C10orf90: variants seen among roughly 807,000 people sequenced by gnomAD.
The protein encoded by C10orf90 is chromosome 10 open reading frame 90.
Under a neutral mutation model 62.5 loss-of-function variants are expected in C10orf90, and 56 were observed. The observed-to-expected ratio is 0.90, with a 90% CI of 0.72 to 1.12. C10orf90 has a LOEUF of 1.12. Among genes scored for constraint, C10orf90 ranks in the 50% most tolerant of loss-of-function variants. C10orf90 has a pLI of 0.00. For synonymous variants in C10orf90, 386 were observed against 340.4 expected (o/e 1.13, Z -1.47); for missense variants, 970 against 880.4 (o/e 1.10, Z -1.29).
intron 2 of C10orf90, among the ~76,000 whole-genome samples, chr10:126,635,409 A>T (rs1226512923): frequency 1.3e-5 from 2 of 152,134 alleles, no homozygotes; most frequent in Non-Finnish European, 2.9e-5. Flanking sequence ...AAGAGCCCAA[A>T]ATATCAGCTG....
At chr10:126,565,821 C>T (rs116817697) in intron 2 of C10orf90, among the ~76,000 whole-genome samples, 1,681 of 152,258 alleles carry the variant, frequency 0.011, 29 homozygotes, top group African/African-American at 0.014. Context: ...ATCCTCCACC[C>T]GCTGTTTTGA....
intron 2 of C10orf90, among the ~76,000 whole-genome samples, chr10:126,526,491 G>C (rs531931641): frequency 6.6e-5 from 10 of 152,174 alleles, no homozygotes; most frequent in African/African-American, 2.2e-4. Context: ...TGATCCGCCC[G>C]CCTCGGCCTC....
chr10:126,485,662 C>T (rs61863936), intron 4 of C10orf90, among the ~76,000 whole-genome samples: 28,956 of 151,748 alleles, frequency 0.19, 3,378 homozygotes, highest in South Asian at 0.45. Flanking sequence ...TGGAAATGGC[C>T]GGGCGTGGTG....
chr10:126,655,385 A>G (rs540981567), intron 1 of C10orf90, among the ~76,000 whole-genome samples: 2 of 152,328 alleles, frequency 1.3e-5, no homozygotes, highest in African/African-American at 4.8e-5. Flanking sequence ...ATAATAATGA[A>G]AAAGTTTGAA....
chr10:126,459,231 A>G lies in C10orf90; in HGVS notation c.2011-14T>C, dbSNP rs373528846. ...TTCCAGTGCTTCCTATGCAAAGCAA[A>G]GAAAATACGTCATTTTTAAGAGCAG... On this transcript the variant is annotated splice_polypyrimidine_tract_variant and intron_variant, in intron 6 of 9. Transcript: ENST00000488181. 8.7e-6 allele frequency: 14 copies of G among 1,612,914 alleles called. No individual in the cohort carries two copies. In the African/African-American group the frequency reaches 1.6e-4, roughly 18 times the overall value.
intron 3 of C10orf90, among the ~76,000 whole-genome samples, chr10:126,511,063 G>T (rs781730405): frequency 6.6e-6 from 1 of 152,146 alleles, no homozygotes; most frequent in Non-Finnish European, 1.5e-5. Flanking sequence ...TCCTCTCCGC[G>T]TTTGCTGCAA....
At chr10:126,605,987 T>C (rs544163940) in intron 2 of C10orf90, among the ~76,000 whole-genome samples, 2 of 152,362 alleles carry the variant, frequency 1.3e-5, no homozygotes, top group Admixed American at 6.5e-5. Flanking sequence ...CATCTGTGAA[T>C]TGAAGGAGAC....
chr10:126,654,681 C>A (rs190615529), intron 1 of C10orf90, among the ~76,000 whole-genome samples: 3 of 152,330 alleles, frequency 2.0e-5, no homozygotes, highest in East Asian at 3.9e-4. Flanking sequence ...CTCTTTGGTA[C>A]AACAGGCGCA....
chr10:126,652,012 T>A (rs2133859683), intron 1 of C10orf90, among the ~76,000 whole-genome samples: 1 of 152,322 alleles, frequency 6.6e-6, no homozygotes, highest in East Asian at 1.9e-4. Flanking sequence ...GATGGTATGA[T>A]AGGTACTCTC....
chr10:126,460,701 C>T (rs940142124), intron 6 of C10orf90, among the ~76,000 whole-genome samples: 1 of 152,016 alleles, frequency 6.6e-6, no homozygotes, highest in Non-Finnish European at 1.5e-5. Context: ...ACCATGAATG[C>T]CTCACCCAGG....
intron 2 of C10orf90, among the ~76,000 whole-genome samples, chr10:126,521,714 T>A (rs1486816684): frequency 1.3e-5 from 2 of 152,210 alleles, no homozygotes; most frequent in African/African-American, 4.8e-5. Flanking sequence ...TGTTACCAAT[T>A]TTTTTACAAA....
intron 2 of C10orf90, among the ~76,000 whole-genome samples, chr10:126,551,679 GGCT>G (rs2133977950): frequency 6.6e-6 from 1 of 152,306 alleles, no homozygotes; most frequent in South Asian, 2.1e-4. Context: ...TCAGACCACA[GGCT>G]GCATCTGAGG....
At chr10:126,557,127 A>G (rs1348380652) in intron 2 of C10orf90, among the ~76,000 whole-genome samples, 1 of 152,114 alleles carries the variant, frequency 6.6e-6, no homozygotes, top group East Asian at 1.9e-4. Flanking sequence ...AAGTCATGGA[A>G]TAGTCAAGAC....
intron 2 of C10orf90, among the ~76,000 whole-genome samples, chr10:126,598,855 C>CT (rs1211633489): frequency 2.6e-5 from 4 of 152,112 alleles, no homozygotes; most frequent in African/African-American, 9.7e-5. Context: ...GCTGACTGTG[C>CT]TTTTTTCTTT....
rs1862598930 is a variant in C10orf90, at chr10:126,504,555, C to T, written c.936G>A (p.Gly312=). ...CCCAGTACTTGCGTCTCTCACACAA[C>T]CCAGTGTGGGCCTCGGGAACCTTCA... ...VRLKVPEAHT[G]LCERRKYWVT... is the part of the protein sequence containing the mutation. The change falls in exon 4 of 10, where the codon GGG becomes GGA. Residue 312 remains glycine, a synonymous_variant. Transcript: ENST00000488181. This position sits in a 1 kb window ranked among gnomAD's most constrained non-coding sequence, Gnocchi z 4.1. The T allele has an allele frequency of 2.5e-6, 4 of 1,614,100 alleles. No homozygotes were observed. In the African/African-American group the frequency reaches 4.0e-5, roughly 16 times the overall value.
At chr10:126,648,748 G>A (rs772495248) in intron 1 of C10orf90, among the ~76,000 whole-genome samples, 1 of 152,210 alleles carries the variant, frequency 6.6e-6, no homozygotes, top group Non-Finnish European at 1.5e-5. Flanking sequence ...GTGGAGGGAT[G>A]CAGAGAGAAA....
At chr10:126,457,558 C>G (rs1021490159) in intron 7 of C10orf90, among the ~76,000 whole-genome samples, 5 of 152,170 alleles carry the variant, frequency 3.3e-5, no homozygotes, top group Non-Finnish European at 7.4e-5. Context: ...GCCCTCCGTG[C>G]CATTTTGTGT....
intron 2 of C10orf90, among the ~76,000 whole-genome samples, chr10:126,525,349 C>T (rs577385610): frequency 6.6e-6 from 1 of 152,192 alleles, no homozygotes; most frequent in African/African-American, 2.4e-5. Flanking sequence ...ATTATGTAAA[C>T]AAGACACAAA....
At chr10:126,538,107 G>T (rs1864282314) in intron 2 of C10orf90, among the ~76,000 whole-genome samples, 1 of 152,178 alleles carries the variant, frequency 6.6e-6, no homozygotes. Context: ...GTTCCACATG[G>T]CTGGGGAGGC....
Sources: allele counts gnomAD v4.1 joint callset (sites outside exome capture counted in the v4.1 genomes callset), GRCh38; gene constraint gnomAD v4.1.1; non-coding constraint Gnocchi (gnomAD v3.1); transcripts MANE v1.5; gene names NCBI Gene and HGNC (gene_info 2026-07-23, HGNC 2026-07-21).